Variants in CAST observed in about 807,000 individuals in gnomAD.
The protein encoded by CAST is MIR583 host.
A neutral mutation model predicts 119.6 loss-of-function variants in CAST; 76 were observed. That is an observed-to-expected ratio of 0.64 (90% CI 0.53 to 0.77). The LOEUF is 0.77. CAST is among the 30% of genes least tolerant of loss of function. The probability of loss-of-function intolerance (pLI) is 0.00; values close to 1 mark genes in which losing one functional copy is unlikely to be tolerated. For missense variants in CAST, 953 were observed against 946.5 expected, an observed-to-expected ratio of 1.01 and a Z score of -0.09; for synonymous variants, 319 against 331.6, an observed-to-expected ratio of 0.96 and a Z score of 0.41.
the CAST span, among the ~76,000 whole-genome samples, chr5:96,263,648 T>C: frequency 6.6e-6 from 1 of 151,782 alleles, no homozygotes; most frequent in Non-Finnish European, 1.5e-5. Context: ...CAAGTAAAAA[T>C]AATCCTCATT....
At chr5:96,255,305 A>C in the CAST span, among the ~76,000 whole-genome samples, 1 of 152,176 alleles carries the variant, frequency 6.6e-6, no homozygotes, top group African/African-American at 2.4e-5. Context: ...ATTTAGGTAA[A>C]GGAATGTTAC....
the CAST span, among the ~76,000 whole-genome samples, chr5:96,223,380 A>G: frequency 2.0e-5 from 3 of 152,318 alleles, no homozygotes; most frequent in Admixed American, 2.0e-4. Flanking sequence ...TTGGGGTATC[A>G]CATGTACCCC....
At chr5:96,303,954 G>A in the CAST span, among the ~76,000 whole-genome samples, 1 of 151,984 alleles carries the variant, frequency 6.6e-6, no homozygotes, top group Admixed American at 6.6e-5. Flanking sequence ...TAATCCTTTG[G>A]GTATATACCC....
At chr5:96,696,272 G>A (rs187191986) in intron 3 of CAST, 14 of 155,686 alleles carry the variant, frequency 9.0e-5, no homozygotes, top group Admixed American at 5.7e-4. Flanking sequence ...CACACCAGGC[G>A]TGCTGCTAGT....
intron 1 of CAST, among the ~76,000 whole-genome samples, chr5:96,569,505 C>T (rs1279187002): frequency 1.3e-5 from 2 of 152,198 alleles, no homozygotes; most frequent in Non-Finnish European, 2.9e-5. Context: ...CTCTTTGCAC[C>T]TGTTGCTGTT....
At chr5:96,096,801 T>C in the CAST span, among the ~76,000 whole-genome samples, 1 of 152,152 alleles carries the variant, frequency 6.6e-6, no homozygotes, top group Admixed American at 6.5e-5. Context: ...CTAAAGTACT[T>C]GATCACATGA....
At chr5:96,332,961 G>A in the CAST span, among the ~76,000 whole-genome samples, 1 of 152,186 alleles carries the variant, frequency 6.6e-6, no homozygotes, top group African/African-American at 2.4e-5. Context: ...CTATCGCTCA[G>A]CGTGCTGATT....
At position 96,561,786 on chromosome 5, in the gene CAST, G is replaced by GGTTTTTTTTTTTTTTTTTT. The variant is rs1189100090; in HGVS notation, c.60+31906_60+31907insGTTTTTTTTTTTTTTTTTT. 3.8e-5 allele frequency among the ~76,000 whole-genome samples: 4 copies of GGTTTTTTTTTTTTTTTTTT among 105,432 alleles called. 1 individual carries two copies. Among genetic ancestry groups the GGTTTTTTTTTTTTTTTTTT allele is most frequent in the Admixed American group, 1.1e-4 (1 of 8,992 alleles). The allele number at this position is 105,432 out of a possible 152,430, so 69.2% of individuals were successfully genotyped here. On this transcript the variant is annotated intron_variant, in intron 1 of 11. Coordinates refer to the CAST transcript ENST00000505143. Reference sequence around the variant, plus strand: ...ATGTATATATGTGTATTATATATATGTTTTTTTTTGTTTTTTTTTTTTTTG... The same window carrying GGTTTTTTTTTTTTTTTTTT: ...ATGTATATATGTGTATTATATATATGGTTTTTTTTTTTTTTTTTTTTTTTTTTTGTTTTTTTTTTTTTTG...
At chr5:96,089,618 A>G in the CAST span, among the ~76,000 whole-genome samples, 1 of 152,184 alleles carries the variant, frequency 6.6e-6, no homozygotes, top group South Asian at 2.1e-4. Context: ...CAATACTGCC[A>G]TTTGTGTTTA....
In CAST at chr5:96,766,098, G is replaced by T; in HGVS notation, c.2083G>T (p.Asp695Tyr). 6.2e-7 allele frequency: 1 copy of T among 1,611,688 alleles called. No homozygotes were observed. Among genetic ancestry groups the T allele is most frequent in the South Asian group, 1.1e-5 (1 of 90,866 alleles). The change falls in exon 27 of 32, where the codon GAC (aspartate) becomes TAC (tyrosine). Residue 695 changes from aspartate to tyrosine, a missense_variant. Transcript: ENST00000675179. ...TAGAGACAAGCTTGGAGAAAGAGAT[G>T]ACACTATCCCACCTGAATACAGACA... ...EHRDKLGERDDTIPPEYRHLL... is the reference protein window; with the variant it reads ...EHRDKLGERDYTIPPEYRHLL...
At chr5:96,680,885 G>A (rs1268086424) in intron 2 of CAST, among the ~76,000 whole-genome samples, 2 of 152,230 alleles carry the variant, frequency 1.3e-5, no homozygotes. Flanking sequence ...TACTAGTTGT[G>A]GGGAGTCGAT....
chr5:96,075,302 T>G, the CAST span, among the ~76,000 whole-genome samples: 1 of 152,160 alleles, frequency 6.6e-6, no homozygotes, highest in Non-Finnish European at 1.5e-5. Context: ...CTATAATACT[T>G]TTCATCTGCT....
chr5:96,008,513 T>C, the CAST span, among the ~76,000 whole-genome samples: 1 of 152,000 alleles, frequency 6.6e-6, no homozygotes, highest in South Asian at 2.1e-4. Flanking sequence ...CAATGCTCTG[T>C]TTTTTTTAGG....
At chr5:96,034,863 G>A in the CAST span, among the ~76,000 whole-genome samples, 1 of 150,634 alleles carries the variant, frequency 6.6e-6, no homozygotes, top group African/African-American at 2.4e-5. Flanking sequence ...GAGGTCATGT[G>A]GTATTTGTCT....
At chr5:96,063,810 C>G in the CAST span, among the ~76,000 whole-genome samples, 142 of 152,232 alleles carry the variant, frequency 9.3e-4, no homozygotes, top group Non-Finnish European at 1.4e-3. Flanking sequence ...GTTTAGGTGC[C>G]TTTCTGAATT....
chr5:96,432,017 T>C, the CAST span: 2 of 1,163,908 alleles, frequency 1.7e-6, no homozygotes, highest in Non-Finnish European at 2.5e-6. Context: ...ACCAGCTACC[T>C]ATCGACCAAG....
the CAST span, among the ~76,000 whole-genome samples, chr5:96,233,556 G>A: frequency 6.6e-6 from 1 of 152,094 alleles, no homozygotes. Context: ...GCCCTATATT[G>A]GTTTAGCTCC....
the CAST span, among the ~76,000 whole-genome samples, chr5:96,024,156 G>A: frequency 6.6e-6 from 1 of 152,084 alleles, no homozygotes; most frequent in African/African-American, 2.4e-5. Flanking sequence ...CCACCTGTTT[G>A]TTCTTCCTCT....
chr5:96,020,146 G>C, the CAST span, among the ~76,000 whole-genome samples: 3 of 152,182 alleles, frequency 2.0e-5, no homozygotes, highest in Non-Finnish European at 4.4e-5. Context: ...GAAAGTGGTA[G>C]AGCCAGAATT....
Sources: allele counts gnomAD v4.1 joint callset (sites outside exome capture counted in the v4.1 genomes callset), GRCh38; gene constraint gnomAD v4.1.1; transcripts MANE v1.5; gene names NCBI Gene and HGNC (gene_info 2026-07-23, HGNC 2026-07-21).